Variants in PDE1C observed in about 807,000 individuals in gnomAD.
The protein encoded by PDE1C is phosphodiesterase 1C.
A neutral mutation model predicts 93.1 loss-of-function variants in PDE1C; 62 were observed. That is an observed-to-expected ratio of 0.67 (90% CI 0.54 to 0.82). The LOEUF is 0.82. Ranked by LOEUF, PDE1C falls within the 40% of genes least tolerant of loss-of-function variation. PDE1C has a pLI of 0.00. For missense variants in PDE1C, 742 were observed against 884.6 expected (o/e 0.84, Z 2.04); for synonymous variants, 325 against 310.1 (o/e 1.05, Z -0.50).
In PDE1C at chr7:31,790,203, T is replaced by C. The variant is rs376014382; in HGVS notation, c.1892-14471A>G. On this transcript the variant is annotated intron_variant, in intron 16 of 17. Transcript: ENST00000396191. Reference sequence around the variant, plus strand: ...GAATGAAGAAGCTCAGCTAGAATGATGCAAGACACTGGCAGCCTCTTTTAT... The same window carrying C: ...GAATGAAGAAGCTCAGCTAGAATGACGCAAGACACTGGCAGCCTCTTTTAT... 1.9e-5 allele frequency: 30 copies of C among 1,612,078 alleles called. No individual in the cohort carries two copies. In the African/African-American group the frequency reaches 2.1e-4, roughly 12 times the overall value.
chr7:32,276,755 C>G (rs551306932), intron 1 of PDE1C, among the ~76,000 whole-genome samples: 2 of 152,270 alleles, frequency 1.3e-5, no homozygotes, highest in South Asian at 4.1e-4. Flanking sequence ...TGTGACATAG[C>G]ACCCGGTCCA....
intron 16 of PDE1C, among the ~76,000 whole-genome samples, chr7:31,791,821 T>C (rs1784626063): frequency 6.6e-6 from 1 of 152,050 alleles, no homozygotes; most frequent in African/African-American, 2.4e-5. Flanking sequence ...CGGTCCAGAC[T>C]GCTGGGTCCC....
At chr7:31,834,384 T>C (rs953384530) in intron 11 of PDE1C, among the ~76,000 whole-genome samples, 1 of 152,122 alleles carries the variant, frequency 6.6e-6, no homozygotes, top group African/African-American at 2.4e-5. Flanking sequence ...TTGCACCATG[T>C]GCCTGGAAAA....
At chr7:31,789,649 GA>G (rs950313130) in intron 16 of PDE1C, 2 of 974,834 alleles carry the variant, frequency 2.1e-6, no homozygotes, top group Non-Finnish European at 2.4e-6. Context: ...ACAGAAGTGG[GA>G]AAAAAAGCAT....
chr7:31,652,233 T>C, the PDE1C span, among the ~76,000 whole-genome samples: 1 of 152,352 alleles, frequency 6.6e-6, no homozygotes, highest in Non-Finnish European at 1.5e-5. Context: ...ATGGTGATTC[T>C]GTATCAGAAT....
chr7:31,801,061 T>C (rs1014907282), intron 16 of PDE1C, among the ~76,000 whole-genome samples: 1 of 150,236 alleles, frequency 6.7e-6, no homozygotes, highest in Admixed American at 6.7e-5. Context: ...AAATCTCAAA[T>C]CGGTAACCAT....
At chr7:32,260,551 G>A (rs1314685076) in intron 1 of PDE1C, among the ~76,000 whole-genome samples, 3 of 152,120 alleles carry the variant, frequency 2.0e-5, no homozygotes, top group East Asian at 1.9e-4. Flanking sequence ...TCTGTGGAGC[G>A]ATCTCGCCTT....
rs191437784 is a variant in PDE1C at position 31,858,833 on chromosome 7, G to A, written c.750+6109C>T. On this transcript the variant is annotated intron_variant, in intron 7 of 17. Transcript: ENST00000396191. ...AAACATTTTCTCAGCAAAATATTAA[G>A]TTCTCAGGAATGGAGATGTTATAAC... Among the ~76,000 whole-genome samples, 283 of 151,940 alleles carry A rather than the reference G, an allele frequency of 1.9e-3. 2 individuals are homozygous for A. Among genetic ancestry groups the A allele is most frequent in the African/African-American group, 6.5e-3 (271 of 41,456 alleles).
intron 1 of PDE1C, among the ~76,000 whole-genome samples, chr7:32,316,611 C>T (rs574951517): frequency 6.6e-6 from 1 of 152,054 alleles, no homozygotes; most frequent in Non-Finnish European, 1.5e-5. Flanking sequence ...GTGGGGAAAG[C>T]ACAAAGTCTC....
intron 2 of PDE1C, among the ~76,000 whole-genome samples, chr7:31,999,303 T>C (rs934218678): frequency 2.6e-5 from 4 of 152,236 alleles, no homozygotes; most frequent in African/African-American, 4.8e-5. Context: ...TACATTAATA[T>C]GCAAATGTGC....
intron 1 of PDE1C, among the ~76,000 whole-genome samples, chr7:32,424,561 T>G (rs953612962): frequency 1.3e-5 from 2 of 152,116 alleles, no homozygotes; most frequent in African/African-American, 4.8e-5. Context: ...GGCGGGTGGA[T>G]CACTTGAGCC....
intron 2 of PDE1C, among the ~76,000 whole-genome samples, chr7:32,192,445 T>C (rs1419993148): frequency 6.6e-6 from 1 of 152,164 alleles, no homozygotes; most frequent in South Asian, 2.1e-4. Context: ...GTTGAAAAGG[T>C]CATATTTCCT....
At chr7:31,951,657 G>T (rs1807398054) in intron 2 of PDE1C, among the ~76,000 whole-genome samples, 1 of 152,108 alleles carries the variant, frequency 6.6e-6, no homozygotes, top group Admixed American at 6.5e-5. Flanking sequence ...CCTTTATCCG[G>T]CATTCTCTAA....
chr7:32,339,890 C>G (rs749430185), intron 1 of PDE1C, among the ~76,000 whole-genome samples: 1 of 152,090 alleles, frequency 6.6e-6, no homozygotes, highest in Admixed American at 6.6e-5. Context: ...GATCTGTGGT[C>G]TTACATTTGA....
At chr7:31,687,290 T>A in the PDE1C span, 1 of 152,312 alleles carries the variant, frequency 6.6e-6, no homozygotes, top group Non-Finnish European at 1.5e-5. Context: ...TTCGCTTCCC[T>A]GCATCTGCGC....
intron 2 of PDE1C, among the ~76,000 whole-genome samples, chr7:31,918,188 C>G (rs1802171986): frequency 6.6e-6 from 1 of 152,090 alleles, no homozygotes; most frequent in Non-Finnish European, 1.5e-5. Flanking sequence ...AAATATTAAT[C>G]AGAATCTCCC....
intron 2 of PDE1C, among the ~76,000 whole-genome samples, chr7:32,177,425 C>A (rs1803079333): frequency 6.6e-6 from 1 of 152,136 alleles, no homozygotes; most frequent in Non-Finnish European, 1.5e-5. Context: ...CCAGACATGC[C>A]TGGTTCCAGG....
intron 3 of PDE1C, among the ~76,000 whole-genome samples, chr7:32,107,162 A>G (rs1172754940): frequency 2.0e-5 from 3 of 151,142 alleles, no homozygotes; most frequent in African/African-American, 7.3e-5. Context: ...AAAAAAAAAG[A>G]TAGAACAGAA....
At chr7:32,142,133 G>A (rs1032449881) in intron 3 of PDE1C, among the ~76,000 whole-genome samples, 1 of 151,904 alleles carries the variant, frequency 6.6e-6, no homozygotes, top group South Asian at 2.1e-4. Context: ...AGGAAAAGGA[G>A]AGGAGAAGAA....
Sources: gnomAD v4.1 joint callset for allele counts (sites outside exome capture counted in the v4.1 genomes callset) on GRCh38, gnomAD v4.1.1 for gene constraint, MANE v1.5 for transcripts, NCBI Gene and HGNC (gene_info 2026-07-23, HGNC 2026-07-21) for gene names.